The following RBFOX1 variants were observed in gnomAD, a reference collection of about 807,000 sequenced individuals.
The protein encoded by RBFOX1 is RNA binding fox-1 homolog 1.
RBFOX1 carries 8 observed loss-of-function variants against 57.7 expected under a neutral mutation model. The observed-to-expected ratio is 0.14, with a 90% CI of 0.08 to 0.25. RBFOX1 has a LOEUF of 0.25. Among genes scored for constraint, RBFOX1 ranks in the 10% least tolerant of loss-of-function variants. The probability of loss-of-function intolerance (pLI) is 1.00; values close to 1 mark genes in which losing one functional copy is unlikely to be tolerated. For missense variants in RBFOX1, 611 were observed against 548.5 expected (o/e 1.11, Z -1.14); for synonymous variants, 326 against 222.4 (o/e 1.47, Z -4.15).
intron 1 of RBFOX1, among the ~76,000 whole-genome samples, chr16:5,380,115 T>G (rs2066093749): frequency 6.6e-6 from 1 of 152,204 alleles, no homozygotes; most frequent in Non-Finnish European, 1.5e-5. Flanking sequence ...ATTTTGAGTG[T>G]GCCCCAGATT....
chr16:7,005,962 C>G (rs1179233547), intron 3 of RBFOX1, among the ~76,000 whole-genome samples: 1 of 152,156 alleles, frequency 6.6e-6, no homozygotes, highest in Non-Finnish European at 1.5e-5. Flanking sequence ...TCTTTAACCC[C>G]TACTCAGGAT....
chr16:7,069,179 T>C (rs7189796), intron 4 of RBFOX1, among the ~76,000 whole-genome samples: 107,916 of 151,838 alleles, frequency 0.71, 39,095 homozygotes, highest in East Asian at 0.91. Context: ...TTTAATCCTT[T>C]AATTTATTTA....
At chr16:6,906,490 T>A (rs1187333251) in intron 3 of RBFOX1, among the ~76,000 whole-genome samples, 2 of 152,134 alleles carry the variant, frequency 1.3e-5, no homozygotes, top group Non-Finnish European at 2.9e-5. Context: ...AGTGTATGCA[T>A]TAAAAAAAAG....
chr16:7,367,477 C>T (rs578067279), intron 4 of RBFOX1, among the ~76,000 whole-genome samples: 11 of 152,266 alleles, frequency 7.2e-5, no homozygotes, highest in East Asian at 1.9e-4. Context: ...GAAATGTGTA[C>T]GTGGCCTCTC....
chr16:7,200,709 C>T (rs905769617), intron 4 of RBFOX1, among the ~76,000 whole-genome samples: 9 of 152,102 alleles, frequency 5.9e-5, no homozygotes, highest in African/African-American at 2.2e-4. Flanking sequence ...ATGCTGTGTT[C>T]CTCGGCTTAG....
chr16:6,079,757 G>C (rs1410983536), intron 1 of RBFOX1, among the ~76,000 whole-genome samples: 2 of 152,074 alleles, frequency 1.3e-5, no homozygotes, highest in Non-Finnish European at 2.9e-5. Flanking sequence ...GATGGCCTGG[G>C]CTGAGCAGTT....
At position 7,040,744 on chromosome 16, in the gene RBFOX1, C is replaced by G. The variant is rs56145302; in HGVS notation, c.-15-11313C>G. On this transcript the variant is annotated intron_variant, in intron 3 of 15. Transcript: ENST00000550418. ...ATAGGTTAAAAATGATTTTAACTTG[C>G]TTTTGTTTTATTTTGTCATAGACAT... Among the ~76,000 whole-genome samples the G allele has an allele frequency of 7.7e-3, 1,171 of 152,206 alleles. 14 individuals carry two copies. Among genetic ancestry groups the G allele is most frequent in the African/African-American group, 0.026 (1,091 of 41,524 alleles).
At chr16:6,256,642 T>G (rs1465157620) in intron 1 of RBFOX1, among the ~76,000 whole-genome samples, 1 of 152,112 alleles carries the variant, frequency 6.6e-6, no homozygotes, top group Non-Finnish European at 1.5e-5. Flanking sequence ...CACTGACACT[T>G]TAGCCAGAAC....
intron 3 of RBFOX1, among the ~76,000 whole-genome samples, chr16:7,004,284 A>G (rs143570008): frequency 1.3e-5 from 2 of 152,228 alleles, no homozygotes; most frequent in Non-Finnish European, 2.9e-5. Context: ...TATATTAATT[A>G]GATTAAATTA....
chr16:5,564,370 G>C (rs1352190618), intron 2 of RBFOX1, among the ~76,000 whole-genome samples: 1 of 152,046 alleles, frequency 6.6e-6, no homozygotes, highest in Non-Finnish European at 1.5e-5. Flanking sequence ...TCTGCCATTT[G>C]ATGATGTTGT....
At chr16:5,477,980 A>G (rs371221960) in intron 2 of RBFOX1, among the ~76,000 whole-genome samples, 8 of 151,708 alleles carry the variant, frequency 5.3e-5, no homozygotes, top group African/African-American at 1.9e-4. Context: ...GGCCCACCTC[A>G]CTCCCCACTT....
intron 3 of RBFOX1, among the ~76,000 whole-genome samples, chr16:6,804,912 G>A (rs1161800049): frequency 1.3e-5 from 2 of 152,110 alleles, no homozygotes; most frequent in Non-Finnish European, 2.9e-5. Flanking sequence ...AACAAAAAGC[G>A]AGATTCAAAG....
intron 4 of RBFOX1, among the ~76,000 whole-genome samples, chr16:7,186,729 A>T (rs1602259213): frequency 6.7e-6 from 1 of 149,874 alleles, no homozygotes; most frequent in African/African-American, 2.4e-5. Context: ...TTGTGTCCTT[A>T]GAGATTCTAT....
At chr16:6,949,244 C>A (rs998212663) in intron 3 of RBFOX1, among the ~76,000 whole-genome samples, 2 of 152,256 alleles carry the variant, frequency 1.3e-5, no homozygotes, top group East Asian at 3.9e-4. Context: ...AAAGCACCTT[C>A]ATCAACAAGA....
intron 4 of RBFOX1, among the ~76,000 whole-genome samples, chr16:5,909,384 G>A (rs544442019): frequency 6.6e-6 from 1 of 152,232 alleles, no homozygotes; most frequent in Admixed American, 6.5e-5. Context: ...GAGCCACTGT[G>A]CCCGGCCCAA....
At chr16:5,939,841 G>A (rs1408936917) in intron 4 of RBFOX1, among the ~76,000 whole-genome samples, 1 of 152,178 alleles carries the variant, frequency 6.6e-6, no homozygotes, top group African/African-American at 2.4e-5. Flanking sequence ...TGGACATGGG[G>A]ATCTATTGAG....
intron 3 of RBFOX1, among the ~76,000 whole-genome samples, chr16:5,660,332 C>T (rs1421939242): frequency 6.6e-6 from 1 of 152,150 alleles, no homozygotes; most frequent in Non-Finnish European, 1.5e-5. Flanking sequence ...ATTGCACTCT[C>T]CTCTCCCTCG....
rs74623912 is a variant in RBFOX1 at position 6,513,876 on chromosome 16, A to G, written c.-63-140727A>G. On this transcript the variant is annotated intron_variant, in intron 2 of 15. Coordinates refer to ENST00000550418, the MANE Select transcript of RBFOX1 (RefSeq NM_018723.4). ...GGTTTGGACTAGGACGCATAATCCA[A>G]TACTGTCACCTGAGGGGGCGTCAGG... 3.1e-3 allele frequency among the ~76,000 whole-genome samples: 466 copies of G among 152,316 alleles called. 3 individuals carry two copies. The highest frequency in any genetic ancestry group is 5.1e-3 in the Non-Finnish European group (348 of 68,020).
chr16:6,544,042 G>A (rs12449047), intron 2 of RBFOX1, among the ~76,000 whole-genome samples: 65,658 of 152,064 alleles, frequency 0.43, 14,690 homozygotes, highest in Non-Finnish European at 0.49. Context: ...AAGTACCTGA[G>A]ATGCTCTTCT....
Sources: gnomAD v4.1 joint callset for allele counts (sites outside exome capture counted in the v4.1 genomes callset) on GRCh38, gnomAD v4.1.1 for gene constraint, MANE v1.5 for transcripts, NCBI Gene and HGNC (gene_info 2026-07-23, HGNC 2026-07-21) for gene names.